The following STK32C variants were observed in gnomAD, a reference collection of about 807,000 sequenced individuals.
STK32C encodes serine/threonine-protein kinase 32C.
In STK32C, 31 loss-of-function variants were observed where a neutral mutation model predicts 56.5. The observed-to-expected ratio is 0.55, with a 90% CI of 0.41 to 0.74. STK32C has a LOEUF of 0.74. Among genes scored for constraint, STK32C ranks in the 30% least tolerant of loss-of-function variants. The probability of loss-of-function intolerance (pLI) is 0.00; values close to 1 mark genes in which losing one functional copy is unlikely to be tolerated. For synonymous variants in STK32C, 309 were observed against 289.4 expected, an observed-to-expected ratio of 1.07 and a Z score of -0.69; for missense variants, 544 against 676.9, an observed-to-expected ratio of 0.80 and a Z score of 2.18.
chr10:132,330,503 G>A, intron 1 of STK32C: 2 of 716,844 alleles, frequency 2.8e-6, no homozygotes, highest in East Asian at 2.7e-5. Flanking sequence ...GTAGATAGTT[G>A]GGTATGTACG....
intron 1 of STK32C, among the ~76,000 whole-genome samples, chr10:132,270,309 C>G (rs1188717490): frequency 1.3e-5 from 2 of 152,268 alleles, no homozygotes; most frequent in Non-Finnish European, 2.9e-5. Context: ...TGGGCCCTAA[C>G]TGCTCACAGC....
At chr10:132,240,669 A>C (rs2063469221) in intron 2 of STK32C, among the ~76,000 whole-genome samples, 1 of 152,064 alleles carries the variant, frequency 6.6e-6, no homozygotes, top group Non-Finnish European at 1.5e-5. Context: ...ACAGCCTGGG[A>C]AATGCGGACG....
At position 132,251,815 on chromosome 10, in the gene STK32C, G is replaced by C. The variant is rs372704803; in HGVS notation, c.263-5860C>G. ...ATGCCCTACGCCTCCTGGGGCCTCA[G>C]ACCCTCCACTACCCACCACAGGCAG... On this transcript the variant is annotated intron_variant, in intron 1 of 11. Coordinates refer to ENST00000298630, the MANE Select transcript of STK32C (RefSeq NM_173575.4). 4.5e-3 allele frequency among the ~76,000 whole-genome samples: 657 copies of C among 146,562 alleles called. 12 individuals are homozygous for C. The South Asian group carries it at 0.059, about 13-fold the overall frequency.
chr10:132,209,177 G>T, intron 10 of STK32C, 76 bp from the exon 11 acceptor site: 2 of 1,392,684 alleles, frequency 1.4e-6, no homozygotes, highest in Non-Finnish European at 2.0e-6. Context: ...GTGAGTGTCT[G>T]GGCATCCCCA....
chr10:132,238,654 G>C (rs1172430749), intron 2 of STK32C, among the ~76,000 whole-genome samples: 1 of 152,148 alleles, frequency 6.6e-6, no homozygotes, highest in Non-Finnish European at 1.5e-5. Context: ...GCATTTGAAA[G>C]GCAACCAAAG....
chr10:132,315,301 A>G (rs1314618491), intron 1 of STK32C, among the ~76,000 whole-genome samples: 1 of 152,008 alleles, frequency 6.6e-6, no homozygotes, highest in Admixed American at 6.6e-5. Flanking sequence ...GGAACATCAC[A>G]CACTAAGGCC....
In STK32C at chr10:132,213,693, C is replaced by T. The variant is rs542937133; in HGVS notation, c.1252-4592G>A. Among the ~76,000 whole-genome samples, 4 of 152,260 alleles carry T rather than the reference C, an allele frequency of 2.6e-5. No individual in the cohort carries two copies. The East Asian group carries it at 7.7e-4, about 29-fold the overall frequency. ...CATTAGAACAGATCCAGATATGGCACCCATGTTGGAATTATCAAACAGGAA... is the reference window on the plus strand; with the variant it reads ...CATTAGAACAGATCCAGATATGGCATCCATGTTGGAATTATCAAACAGGAA... On this transcript the variant is annotated intron_variant, in intron 10 of 11. Transcript: ENST00000298630.
At chr10:132,273,974 T>C (rs1275642474) in intron 1 of STK32C, among the ~76,000 whole-genome samples, 2 of 152,224 alleles carry the variant, frequency 1.3e-5, no homozygotes, top group African/African-American at 4.8e-5. Flanking sequence ...TCTCAGCTGA[T>C]TCCTGGTGTG....
chr10:132,246,517 T>C (rs1009144731), intron 1 of STK32C, among the ~76,000 whole-genome samples: 45 of 152,194 alleles, frequency 3.0e-4, no homozygotes, highest in African/African-American at 1.0e-3. Flanking sequence ...GCTGTGGCTA[T>C]GTCCACCATG....
chr10:132,329,113 G>A (rs142924082), intron 1 of STK32C, among the ~76,000 whole-genome samples: 124 of 152,352 alleles, frequency 8.1e-4, no homozygotes, highest in African/African-American at 2.7e-3. Context: ...AAATAAATGT[G>A]TCTACCCCGG....
chr10:132,222,550 C>T, intron 10 of STK32C, 91 bp downstream of exon 10: 1 of 1,508,222 alleles, frequency 6.6e-7, no homozygotes, highest in South Asian at 1.2e-5. Context: ...GACGTGTGCG[C>T]TGCCAGGGGT....
intron 1 of STK32C, among the ~76,000 whole-genome samples, chr10:132,267,288 T>C (rs1482704785): frequency 6.6e-6 from 1 of 152,206 alleles, no homozygotes; most frequent in Non-Finnish European, 1.5e-5. Flanking sequence ...CAGCCCAGCA[T>C]TCACTTGTAT....
chr10:132,273,348 G>A (rs1237019312), intron 1 of STK32C, among the ~76,000 whole-genome samples: 4 of 152,164 alleles, frequency 2.6e-5, no homozygotes, highest in African/African-American at 7.2e-5. Context: ...AACTGCAGGT[G>A]TCTGTGGGGC....
chr10:132,216,056 A>T (rs1416180186), intron 10 of STK32C, among the ~76,000 whole-genome samples: 3 of 152,250 alleles, frequency 2.0e-5, no homozygotes, highest in African/African-American at 4.8e-5. Flanking sequence ...TGGCAGAAGA[A>T]ATTTCTAAGC....
chr10:132,224,595 G>A (rs1394859273), intron 7 of STK32C, 72 bp from the exon 8 acceptor site: 38 of 1,176,500 alleles, frequency 3.2e-5, no homozygotes, highest in Non-Finnish European at 4.3e-5. Context: ...CCAGACACAG[G>A]TGCCATCGCC....
chr10:132,282,699 C>A (rs374218061), intron 1 of STK32C, among the ~76,000 whole-genome samples: 1 of 152,260 alleles, frequency 6.6e-6, no homozygotes, highest in Admixed American at 6.5e-5. Flanking sequence ...ATTAAGGAAG[C>A]CGACACAAAG....
intron 2 of STK32C, among the ~76,000 whole-genome samples, chr10:132,232,010 C>T (rs938749844): frequency 2.0e-5 from 3 of 152,234 alleles, no homozygotes; most frequent in South Asian, 2.1e-4. Flanking sequence ...GCGGGAAACT[C>T]GCTTTCTCCA....
At chr10:132,306,507 C>T (rs2066066944) in intron 1 of STK32C, among the ~76,000 whole-genome samples, 1 of 152,210 alleles carries the variant, frequency 6.6e-6, no homozygotes, top group South Asian at 2.1e-4. Flanking sequence ...TGCCGTCTCC[C>T]GGAGGAACGG....
chr10:132,287,775 A>C (rs547623508), intron 1 of STK32C, among the ~76,000 whole-genome samples: 1 of 152,128 alleles, frequency 6.6e-6, no homozygotes, highest in Admixed American at 6.5e-5. Flanking sequence ...TTTTTAAGAG[A>C]TCCATTCTCC....
Sources: gnomAD v4.1 joint callset for allele counts (sites outside exome capture counted in the v4.1 genomes callset) on GRCh38, gnomAD v4.1.1 for gene constraint, MANE v1.5 for transcripts, NCBI Gene and HGNC (gene_info 2026-07-23, HGNC 2026-07-21) for gene names.